The following PUM1 variants were observed in gnomAD, a reference collection of about 807,000 sequenced individuals.
PUM1 encodes pumilio homolog 1.
In PUM1, 13 loss-of-function variants were observed where a neutral mutation model predicts 131.8. The ratio of observed to expected loss-of-function variants is 0.10; its 90% CI spans 0.06 to 0.16. The LOEUF is 0.16. PUM1 is among the 10% of genes least tolerant of loss of function. The pLI, the probability that PUM1 is intolerant of heterozygous loss-of-function variation, is 1.00. For synonymous variants in PUM1, 509 were observed against 556.5 expected, an observed-to-expected ratio of 0.91 and a Z score of 1.20; for missense variants, 961 against 1,512.4, an observed-to-expected ratio of 0.64 and a Z score of 6.05.
At chr1:30,944,233 T>C (rs1187290322) in intron 18 of PUM1, among the ~76,000 whole-genome samples, 1 of 152,128 alleles carries the variant, frequency 6.6e-6, no homozygotes, top group Non-Finnish European at 1.5e-5. Flanking sequence ...CACATATCAC[T>C]CTATACTCAG....
intron 5 of PUM1, among the ~76,000 whole-genome samples, chr1:31,004,592 C>G (rs139712838): frequency 6.6e-6 from 1 of 152,308 alleles, no homozygotes; most frequent in Admixed American, 6.5e-5. Flanking sequence ...ATCTGATTCA[C>G]AAGCTACTAA....
chr1:31,010,684 C>T (rs1303103611), intron 3 of PUM1, among the ~76,000 whole-genome samples: 1 of 152,184 alleles, frequency 6.6e-6, no homozygotes, highest in African/African-American at 2.4e-5. Context: ...ATGGTTGATA[C>T]CACATGAGTG....
chr1:31,026,648 G>A (rs1241513749), intron 3 of PUM1, among the ~76,000 whole-genome samples: 1 of 152,150 alleles, frequency 6.6e-6, no homozygotes, highest in East Asian at 1.9e-4. Flanking sequence ...CTTGCAGTGG[G>A]AGGAAGCCAG....
rs1641627266 is a variant in PUM1, at chr1:30,987,832, G to A, written c.1158+4558C>T. On this transcript the variant is annotated intron_variant, in intron 7 of 21. Transcript: ENST00000426105. ...AGCATGTTCTTCAATTATGATTGTA[G>A]ACAACAAACTACATTAACTTTAGCA... Among the ~76,000 whole-genome samples, 6 of 152,228 alleles carry A rather than the reference G, an allele frequency of 3.9e-5. No homozygotes were observed. In the South Asian group the frequency reaches 1.2e-3, roughly 32 times the overall value.
At chr1:30,959,879 C>A (rs1306093556) in intron 14 of PUM1, among the ~76,000 whole-genome samples, 3 of 150,730 alleles carry the variant, frequency 2.0e-5, no homozygotes, top group African/African-American at 7.3e-5. Context: ...TGCACTCCAC[C>A]CTGGGAGACA....
chr1:30,953,025 T>A lies in PUM1; in HGVS notation c.2592-662A>T, dbSNP rs565001600. ...AAACAAAAAAACAAAAACAAAACAG[T>A]ATTCATTATCTTCTGAAGTAGTAAC... On this transcript the variant is annotated intron_variant, in intron 15 of 21. Transcript: ENST00000426105. Among the ~76,000 whole-genome samples the A allele has an allele frequency of 5.9e-4, 90 of 152,058 alleles. 1 individual carries two copies. The Middle Eastern group carries it at 0.01, about 17-fold the overall frequency.
At chr1:30,982,217 T>C (rs1641383620) in intron 7 of PUM1, 1 of 152,238 alleles carries the variant, frequency 6.6e-6, no homozygotes, top group South Asian at 2.1e-4. Flanking sequence ...ACTAAGAATG[T>C]CTTACGATTC....
intron 2 of PUM1, among the ~76,000 whole-genome samples, chr1:31,035,256 G>A (rs1330564485): frequency 6.6e-6 from 1 of 152,096 alleles, no homozygotes; most frequent in Non-Finnish European, 1.5e-5. Flanking sequence ...AGCCAGGCAT[G>A]ATGGCACATG....
At chr1:30,941,022 T>C in intron 20 of PUM1, 129 bp downstream of exon 20, 7 of 1,102,834 alleles carry the variant, frequency 6.3e-6, no homozygotes, top group Non-Finnish European at 8.7e-6. Flanking sequence ...ATAAAACTAT[T>C]TGACTTTTAA....
Position 31,014,681 on chromosome 1 carries a change from C to T in PUM1, c.433-7579G>A, listed in dbSNP as rs145010799. Reference sequence around the variant, plus strand: ...CCAGGCGCCTATAATCCCAGCTACTCGGGAGGCTGAGGTAGCAGAATCACT... The same window carrying T: ...CCAGGCGCCTATAATCCCAGCTACTTGGGAGGCTGAGGTAGCAGAATCACT... On this transcript the variant is annotated intron_variant, in intron 3 of 21. Coordinates refer to ENST00000426105, the MANE Select transcript of PUM1 (RefSeq NM_001020658.2). Among the ~76,000 whole-genome samples the T allele has an allele frequency of 3.0e-3, 457 of 151,176 alleles. 2 individuals are homozygous for T. Among genetic ancestry groups the T allele is most frequent in the African/African-American group, 8.8e-3 (361 of 41,162 alleles).
At chr1:30,946,540 G>A (rs992460595) in intron 17 of PUM1, among the ~76,000 whole-genome samples, 4 of 151,386 alleles carry the variant, frequency 2.6e-5, no homozygotes, top group Non-Finnish European at 4.4e-5. Context: ...GGGAGGCTGA[G>A]GCAGGAGAAT....
intron 2 of PUM1, among the ~76,000 whole-genome samples, chr1:31,033,485 C>T (rs1406499718): frequency 2.0e-5 from 3 of 150,056 alleles, no homozygotes; most frequent in Admixed American, 6.7e-5. Context: ...CTCTGCTTCC[C>T]GGGTTCACGC....
intron 15 of PUM1, 111 bp downstream of exon 15, chr1:30,953,603 C>T (rs969901117): frequency 2.5e-6 from 3 of 1,214,052 alleles, no homozygotes; most frequent in Non-Finnish European, 3.5e-6. Context: ...AAGAGGCACG[C>T]TTTTAAAAAA....
At chr1:31,025,982 G>GT (rs1185723487) in intron 3 of PUM1, among the ~76,000 whole-genome samples, 1 of 152,118 alleles carries the variant, frequency 6.6e-6, no homozygotes, top group Non-Finnish European at 1.5e-5. Flanking sequence ...ACCGGGCACG[G>GT]TAGCTCAAGC....
At chr1:30,995,732 T>C (rs1257521103) in intron 5 of PUM1, among the ~76,000 whole-genome samples, 1 of 152,222 alleles carries the variant, frequency 6.6e-6, no homozygotes, top group Non-Finnish European at 1.5e-5. Context: ...AAGTGTGGTC[T>C]AACATCATAT....
chr1:30,973,592 C>CT (rs1641017709), intron 10 of PUM1, among the ~76,000 whole-genome samples: 1 of 152,062 alleles, frequency 6.6e-6, no homozygotes, highest in Non-Finnish European at 1.5e-5. Flanking sequence ...GTAAAAATGT[C>CT]ATTTAAAAGA....
rs955234429 is a variant in PUM1 at position 30,931,584 on chromosome 1, T to C, written c.*1627A>G. 1 of 152,554 alleles carries C rather than the reference T, an allele frequency of 6.6e-6. No individual in the cohort carries two copies. Among genetic ancestry groups the C allele is most frequent in the African/African-American group, 2.4e-5 (1 of 41,426 alleles). The allele number at this position is 152,554 out of a possible 1,614,324, so 9.5% of individuals were successfully genotyped here. Reference sequence around the variant, plus strand: ...CAATCTACACAAGAGTTACAAAAAATAGTTGCCCAGGCATAAGCATACACA... The same window carrying C: ...CAATCTACACAAGAGTTACAAAAAACAGTTGCCCAGGCATAAGCATACACA... On this transcript the variant is annotated 3_prime_UTR_variant, in exon 22 of 22. Coordinates refer to ENST00000426105, the MANE Select transcript of PUM1 (RefSeq NM_001020658.2).
At chr1:30,978,676 T>C (rs2124465216) in intron 9 of PUM1, among the ~76,000 whole-genome samples, 1 of 152,352 alleles carries the variant, frequency 6.6e-6, no homozygotes, top group East Asian at 1.9e-4. Context: ...GAAGACATTT[T>C]GTTTGTCCTA....
rs142891902 is a variant in PUM1, at chr1:31,016,559, T to C, written c.433-9457A>G. ...GCATCCACTTTAATCAGTTACTCAATACTTACATGTAAAGATGTTAAATGT... is the reference window on the plus strand; with the variant it reads ...GCATCCACTTTAATCAGTTACTCAACACTTACATGTAAAGATGTTAAATGT... On this transcript the variant is annotated intron_variant, in intron 3 of 21. Coordinates refer to ENST00000426105, the MANE Select transcript of PUM1 (RefSeq NM_001020658.2). Among the ~76,000 whole-genome samples, 6 of 152,312 alleles carry C rather than the reference T, an allele frequency of 3.9e-5. No homozygotes were observed. In the East Asian group the frequency reaches 9.6e-4, roughly 24 times the overall value.
Sources: allele counts gnomAD v4.1 joint callset (sites outside exome capture counted in the v4.1 genomes callset), GRCh38; gene constraint gnomAD v4.1.1; transcripts MANE v1.5; gene names NCBI Gene and HGNC (gene_info 2026-07-23, HGNC 2026-07-21).